The following MAP2K5 variants were observed in gnomAD, a reference collection of about 807,000 sequenced individuals.
MAP2K5 encodes mitogen-activated protein kinase kinase 5, also known as dual specificity mitogen-activated protein kinase kinase 5.
MAP2K5 carries 49 observed loss-of-function variants against 83.1 expected under a neutral mutation model. The observed-to-expected ratio is 0.59, with a 90% CI of 0.47 to 0.75. The LOEUF (loss-of-function observed/expected upper bound fraction) is 0.75, where lower values mean the gene tolerates loss of function less well. Ranked by LOEUF, MAP2K5 falls within the 30% of genes least tolerant of loss-of-function variation. MAP2K5 has a pLI of 0.00. For synonymous variants in MAP2K5, 202 were observed against 191.8 expected (o/e 1.05, Z -0.44); for missense variants, 457 against 557.5 (o/e 0.82, Z 1.82).
At position 67,782,742 on chromosome 15, in the gene MAP2K5, C is replaced by G. The variant is rs1052779753; in HGVS notation, c.1242+9990C>G. The stretch of plus-strand genomic sequence containing the variant: ...GCTTTGCCTCTGGAATACTCTCGCT[C>G]TAACTCTGGGGAAGGCAGATCGGCA... On this transcript the variant is annotated intron_variant, in intron 21 of 21. Coordinates refer to ENST00000178640, the MANE Select transcript of MAP2K5 (RefSeq NM_145160.3). The surrounding 1 kb of genome is among the most constrained non-coding windows in gnomAD (Gnocchi z 4.9). Among the ~76,000 whole-genome samples the G allele has an allele frequency of 6.6e-6, 1 of 152,166 alleles. No individual in the cohort carries two copies. Among genetic ancestry groups the G allele is most frequent in the African/African-American group, 2.4e-5 (1 of 41,436 alleles).
intron 5 of MAP2K5, 143 bp downstream of exon 5, chr15:67,586,073 G>T: frequency 1.4e-6 from 1 of 727,864 alleles, no homozygotes; most frequent in Non-Finnish European, 2.4e-6. Flanking sequence ...GGTGGAGGGG[G>T]ATTCATCTGT....
At chr15:67,679,007 T>C (rs1224449153) in intron 13 of MAP2K5, among the ~76,000 whole-genome samples, 4 of 150,514 alleles carry the variant, frequency 2.7e-5, no homozygotes, top group Admixed American at 1.3e-4. Context: ...GAAATTACCG[T>C]TTGGGTCCCT....
chr15:67,764,537 G>T lies in MAP2K5; in HGVS notation c.1135-5065G>T, dbSNP rs559823733. Among the ~76,000 whole-genome samples the T allele has an allele frequency of 6.6e-6, 1 of 152,246 alleles. No individual in the cohort carries two copies. Among genetic ancestry groups the T allele is most frequent in the South Asian group, 2.1e-4 (1 of 4,824 alleles). ...CTCCATCCTGCAGGGCTGGTTATTAGGGATGTACATCTTATCCCTCTGAAC... is the reference window on the plus strand; with the variant it reads ...CTCCATCCTGCAGGGCTGGTTATTATGGATGTACATCTTATCCCTCTGAAC... On this transcript the variant is annotated intron_variant, in intron 19 of 21. Coordinates refer to ENST00000178640, the MANE Select transcript of MAP2K5 (RefSeq NM_145160.3). The surrounding 1 kb of genome is among the most constrained non-coding windows in gnomAD (Gnocchi z 4.9).
intron 8 of MAP2K5, among the ~76,000 whole-genome samples, chr15:67,613,792 G>T (rs2085989031): frequency 6.6e-6 from 1 of 151,780 alleles, no homozygotes; most frequent in Non-Finnish European, 1.5e-5. Context: ...ATGGAAACGG[G>T]TTAATATTTT....
At chr15:67,733,290 T>C (rs2089265772) in intron 17 of MAP2K5, among the ~76,000 whole-genome samples, 1 of 152,226 alleles carries the variant, frequency 6.6e-6, no homozygotes, top group Non-Finnish European at 1.5e-5. Flanking sequence ...AACGGCTTTT[T>C]AAGCTGTTTT....
At chr15:67,612,053 G>A (rs2085934877) in intron 8 of MAP2K5, among the ~76,000 whole-genome samples, 1 of 143,872 alleles carries the variant, frequency 7.0e-6, no homozygotes, top group South Asian at 2.3e-4. Flanking sequence ...TGACTCCCTG[G>A]AAATTTTATC....
intron 13 of MAP2K5, among the ~76,000 whole-genome samples, chr15:67,681,592 A>G (rs1042131522): frequency 6.6e-6 from 1 of 152,224 alleles, no homozygotes; most frequent in Non-Finnish European, 1.5e-5. Context: ...TTATCTTACT[A>G]TTTCCAAAAT....
At chr15:67,639,521 G>A (rs994805938) in intron 9 of MAP2K5, among the ~76,000 whole-genome samples, 9 of 152,202 alleles carry the variant, frequency 5.9e-5, no homozygotes, top group African/African-American at 2.2e-4. Flanking sequence ...TTTAAACATA[G>A]GTAGTCTTGT....
In MAP2K5 at chr15:67,570,734, G is replaced by A. The variant is rs573982601; in HGVS notation, c.252+7384G>A. On this transcript the variant is annotated intron_variant, in intron 3 of 21. Transcript: ENST00000178640. ...TTAAGATTGTTGAGTTCTTCACTGGGAAAACTAACAAATTAACTATGGACT... is the reference window on the plus strand; with the variant it reads ...TTAAGATTGTTGAGTTCTTCACTGGAAAAACTAACAAATTAACTATGGACT... Among the ~76,000 whole-genome samples, 4 of 152,270 alleles carry A rather than the reference G, an allele frequency of 2.6e-5. No homozygotes were observed. The East Asian group carries it at 5.8e-4, about 22-fold the overall frequency.
chr15:67,635,351 A>G (rs1271567312), intron 9 of MAP2K5, among the ~76,000 whole-genome samples: 1 of 151,132 alleles, frequency 6.6e-6, no homozygotes, highest in African/African-American at 2.4e-5. Flanking sequence ...ATTTTTTTCT[A>G]CTTTTAGTAG....
intron 20 of MAP2K5, among the ~76,000 whole-genome samples, chr15:67,771,752 A>G (rs755198819): frequency 2.2e-4 from 33 of 152,242 alleles, no homozygotes; most frequent in Non-Finnish European, 4.4e-4. Context: ...TGATCATTAA[A>G]TCTATTTTTA....
chr15:67,756,217 G>T (rs2089830940), intron 19 of MAP2K5, among the ~76,000 whole-genome samples: 1 of 152,160 alleles, frequency 6.6e-6, no homozygotes, highest in Non-Finnish European at 1.5e-5. Context: ...ACCTGTTCCT[G>T]ATTGAAGGAG....
chr15:67,682,148 G>T (rs1410231971), intron 13 of MAP2K5, among the ~76,000 whole-genome samples: 1 of 151,644 alleles, frequency 6.6e-6, no homozygotes, highest in Admixed American at 6.6e-5. Context: ...CTGTTGTGCT[G>T]TTGTCTATGG....
At chr15:67,575,928 T>TC (rs1596583471) in intron 3 of MAP2K5, among the ~76,000 whole-genome samples, 322 of 50,926 alleles carry the variant, frequency 6.3e-3, no homozygotes, top group African/African-American at 0.029. Context: ...TTTTTTTTTT[T>TC]TTTTTTTTTA....
chr15:67,754,650 A>T (rs1397383460), intron 19 of MAP2K5, among the ~76,000 whole-genome samples: 1 of 152,206 alleles, frequency 6.6e-6, no homozygotes, highest in African/African-American at 2.4e-5. Flanking sequence ...AGGAGATGAT[A>T]TTTGAGCTGG....
At chr15:67,575,919 T>TCTTTC (rs56283748) in intron 3 of MAP2K5, among the ~76,000 whole-genome samples, 4 of 74,006 alleles carry the variant, frequency 5.4e-5, no homozygotes, top group African/African-American at 2.0e-4. Context: ...TTTCTTTCTT[T>TCTTTC]TTTTTTTTTT....
Position 67,665,561 on chromosome 15 carries a change from A to C in MAP2K5, c.847+916A>C, listed in dbSNP as rs1160033412. ...CTGATATTTTCAACTGTGATGTCAT[A>C]TCTGTCACTAAGGGTTGTTTTCTTT... is the stretch of plus-strand genomic sequence containing the variant. On this transcript the variant is annotated intron_variant, in intron 13 of 21. Transcript: ENST00000178640. This position sits in a 1 kb window ranked among gnomAD's most constrained non-coding sequence, Gnocchi z 4.2. Among the ~76,000 whole-genome samples the C allele has an allele frequency of 6.6e-6, 1 of 152,204 alleles. No homozygotes were observed. Among genetic ancestry groups the C allele is most frequent in the Non-Finnish European group, 1.5e-5 (1 of 68,026 alleles).
intron 7 of MAP2K5, among the ~76,000 whole-genome samples, chr15:67,594,678 C>T (rs2085486757): frequency 6.6e-6 from 1 of 152,092 alleles, no homozygotes; most frequent in African/African-American, 2.4e-5. Flanking sequence ...GGAGGTTGTC[C>T]TGGCAAGGAT....
intron 16 of MAP2K5, among the ~76,000 whole-genome samples, chr15:67,711,152 A>G (rs1323210407): frequency 6.6e-6 from 1 of 152,248 alleles, no homozygotes; most frequent in African/African-American, 2.4e-5. Context: ...TATGCTGTTT[A>G]GTACAATTCC....
Sources: allele counts gnomAD v4.1 joint callset (sites outside exome capture counted in the v4.1 genomes callset), GRCh38; gene constraint gnomAD v4.1.1; non-coding constraint Gnocchi (gnomAD v3.1); transcripts MANE v1.5; gene names NCBI Gene and HGNC (gene_info 2026-07-23, HGNC 2026-07-21).